Variants in PRKAG2 observed in about 807,000 individuals in gnomAD.
The protein encoded by PRKAG2 is protein kinase AMP-activated non-catalytic subunit gamma 2.
PRKAG2 carries 26 observed loss-of-function variants against 69.6 expected under a neutral mutation model. The observed-to-expected ratio is 0.37, with a 90% CI of 0.27 to 0.52. The LOEUF is 0.52. Ranked by LOEUF, PRKAG2 falls within the 20% of genes least tolerant of loss-of-function variation. The pLI, the probability that PRKAG2 is intolerant of heterozygous loss-of-function variation, is 0.90. For synonymous variants in PRKAG2, 293 were observed against 285.0 expected, an observed-to-expected ratio of 1.03 and a Z score of -0.28; for missense variants, 557 against 740.0, an observed-to-expected ratio of 0.75 and a Z score of 2.87.
chr7:151,734,128 A>G (rs899834658), intron 3 of PRKAG2: 2 of 152,184 alleles, frequency 1.3e-5, no homozygotes, highest in Non-Finnish European at 2.9e-5. Flanking sequence ...GGGTTCAAGG[A>G]CTGCTGTCTC....
chr7:151,805,485 T>A (rs1431096824), intron 1 of PRKAG2, among the ~76,000 whole-genome samples: 1 of 152,126 alleles, frequency 6.6e-6, no homozygotes, highest in African/African-American at 2.4e-5. Context: ...TATTTTTAAG[T>A]TTTGGGGTGG....
At chr7:151,704,520 C>T (rs920981340) in intron 3 of PRKAG2, among the ~76,000 whole-genome samples, 5 of 152,310 alleles carry the variant, frequency 3.3e-5, no homozygotes, top group South Asian at 2.1e-4. Context: ...TTTACCATTT[C>T]GACTGCTGAT....
At chr7:151,627,130 T>C (rs1339527213) in intron 5 of PRKAG2, among the ~76,000 whole-genome samples, 1 of 152,166 alleles carries the variant, frequency 6.6e-6, no homozygotes, top group Admixed American at 6.6e-5. Flanking sequence ...AGAAAACTCT[T>C]AACGACAGCA....
chr7:151,726,939 G>A (rs1426232058), intron 3 of PRKAG2, among the ~76,000 whole-genome samples: 1 of 152,122 alleles, frequency 6.6e-6, no homozygotes, highest in Non-Finnish European at 1.5e-5. Context: ...ATACTGGCTG[G>A]GCGCGGTGGC....
At chr7:151,874,054 A>G (rs760029905) in intron 1 of PRKAG2, among the ~76,000 whole-genome samples, 11 of 139,012 alleles carry the variant, frequency 7.9e-5, no homozygotes, top group African/African-American at 7.9e-5. Flanking sequence ...ATATGTATGT[A>G]TATGTATATG....
At chr7:151,822,739 G>A (rs368722400) in intron 1 of PRKAG2, among the ~76,000 whole-genome samples, 1 of 152,088 alleles carries the variant, frequency 6.6e-6, no homozygotes, top group South Asian at 2.1e-4. Context: ...TTGGCTGTGT[G>A]GAGCCAGGGT....
chr7:151,741,615 G>A (rs184465914), intron 3 of PRKAG2, among the ~76,000 whole-genome samples: 153 of 150,336 alleles, frequency 1.0e-3, no homozygotes, highest in African/African-American at 3.6e-3. Flanking sequence ...CAGAGGTTGC[G>A]ATGAGCCGAG....
intron 5 of PRKAG2, among the ~76,000 whole-genome samples, chr7:151,607,879 G>A (rs370924934): frequency 1.3e-4 from 20 of 152,032 alleles, no homozygotes; most frequent in African/African-American, 4.3e-4. Context: ...AGTGGCCTCC[G>A]CAAAAAGACA....
At chr7:151,563,185 C>T (rs1805476870) in intron 14 of PRKAG2, among the ~76,000 whole-genome samples, 1 of 152,160 alleles carries the variant, frequency 6.6e-6, no homozygotes. Context: ...ATCACTGATA[C>T]TGTACACCCT....
At chr7:151,560,418 T>G (rs1262650565) in intron 15 of PRKAG2, 106 bp downstream of exon 15, 1 of 1,608,056 alleles carries the variant, frequency 6.2e-7, no homozygotes, top group Non-Finnish European at 8.5e-7. Context: ...CTCAAAGCCT[T>G]GATCTGTAGG....
chr7:151,591,608 G>T (rs560678010), intron 6 of PRKAG2, among the ~76,000 whole-genome samples: 77 of 152,314 alleles, frequency 5.1e-4, no homozygotes, highest in African/African-American at 1.8e-3. Context: ...AGGTGTTTTG[G>T]AGGCAACATG....
Position 151,781,411 on chromosome 7 carries a change from C to T in PRKAG2, c.207G>A (p.Pro69=), listed in dbSNP as rs144384573. 3.0e-3 allele frequency: 4,799 copies of T among 1,609,018 alleles called. 124 individuals are homozygous for T. The Admixed American group carries it at 0.044, about 15-fold the overall frequency. The change falls in exon 3 of 16, where the codon CCG becomes CCA. Residue 69 remains proline, a synonymous_variant. Transcript: ENST00000287878. This position sits in a 1 kb window ranked among gnomAD's most constrained non-coding sequence, Gnocchi z 6.1. ...SSRKVDSPFG[P]GSPSKGFFSR... is the part of the protein sequence containing the mutation. ...AGAAGAACCCTTTGGAGGGGCTGCC[C>T]GGGCCGAAGGGGCTGTCCACCTGCA...
Position 151,788,737 on chromosome 7 carries a change from C to A in PRKAG2, c.115-2196G>T, listed in dbSNP as rs550984441. 2.0e-5 allele frequency among the ~76,000 whole-genome samples: 3 copies of A among 152,328 alleles called. No homozygotes were observed. Among genetic ancestry groups the A allele is most frequent in the African/African-American group, 7.2e-5 (3 of 41,570 alleles). On this transcript the variant is annotated intron_variant, in intron 1 of 15. Coordinates refer to ENST00000287878, the MANE Select transcript of PRKAG2 (RefSeq NM_016203.4). This position sits in a 1 kb window ranked among gnomAD's most constrained non-coding sequence, Gnocchi z 4.6. ...CACTGCCAAATTCAGTGTCATGAAG[C>A]TTTTCCCGTATGTTTTCTTCTAAGA...
At chr7:151,713,066 G>C (rs1795580048) in intron 3 of PRKAG2, among the ~76,000 whole-genome samples, 1 of 152,186 alleles carries the variant, frequency 6.6e-6, no homozygotes, top group Non-Finnish European at 1.5e-5. Context: ...CCCTTCCTCG[G>C]AGCTGAAGCA....
intron 1 of PRKAG2, among the ~76,000 whole-genome samples, chr7:151,798,152 C>T (rs2077655783): frequency 1.3e-5 from 2 of 151,642 alleles, no homozygotes; most frequent in South Asian, 4.2e-4. Context: ...TACAGGCGCC[C>T]GCCACCACGC....
At chr7:151,631,909 G>A in intron 5 of PRKAG2, 160 bp downstream of exon 5, 1 of 704,748 alleles carries the variant, frequency 1.4e-6, no homozygotes, top group Non-Finnish European at 2.0e-6. Flanking sequence ...GCCGGCGCCC[G>A]CATCCCCGCC....
intron 1 of PRKAG2, among the ~76,000 whole-genome samples, chr7:151,848,083 G>A (rs963699527): frequency 1.3e-5 from 2 of 152,198 alleles, no homozygotes; most frequent in Non-Finnish European, 2.9e-5. Context: ...TTGCAGAGAC[G>A]AGGCTGAGGA....
intron 6 of PRKAG2, among the ~76,000 whole-genome samples, chr7:151,591,912 C>G (rs767902950): frequency 6.6e-6 from 1 of 152,284 alleles, no homozygotes; most frequent in East Asian, 1.9e-4. Context: ...GCACCAGGCC[C>G]TTATAGAGAC....
intron 3 of PRKAG2, among the ~76,000 whole-genome samples, chr7:151,727,312 C>G (rs1404741478): frequency 4.6e-5 from 7 of 152,184 alleles, no homozygotes; most frequent in Non-Finnish European, 1.0e-4. Context: ...CTGGGACCTC[C>G]AGGAGGAGGC....
Sources: gnomAD v4.1 joint callset for allele counts (sites outside exome capture counted in the v4.1 genomes callset) on GRCh38, gnomAD v4.1.1 for gene constraint, Gnocchi (gnomAD v3.1) non-coding constraint, MANE v1.5 for transcripts, NCBI Gene and HGNC (gene_info 2026-07-23, HGNC 2026-07-21) for gene names.